The following RANBP17 variants were observed in gnomAD, a reference collection of about 807,000 sequenced individuals.
RANBP17 encodes RAN binding protein 17, also known as ran-binding protein 17.
In RANBP17, 158 loss-of-function variants were observed where a neutral mutation model predicts 141.2. The ratio of observed to expected loss-of-function variants is 1.12; its 90% confidence interval spans 0.98 to 1.28. The LOEUF is 1.28. RANBP17 is among the 50% of genes most tolerant of loss of function. RANBP17 has a pLI of 0.00. For synonymous variants in RANBP17, 430 were observed against 450.0 expected, an observed-to-expected ratio of 0.96 and a Z score of 0.56; for missense variants, 1,438 against 1,290.7, an observed-to-expected ratio of 1.11 and a Z score of -1.75.
chr5:170,898,367 G>A (rs1345315995), intron 5 of RANBP17, among the ~76,000 whole-genome samples: 2 of 151,950 alleles, frequency 1.3e-5, no homozygotes, highest in African/African-American at 4.8e-5. Context: ...TGCCCACTTT[G>A]TGATGGGGTT....
chr5:171,274,111 A>AGTGTGTGTGTGTGTGTGTGT (rs372324815), intron 25 of RANBP17, among the ~76,000 whole-genome samples: 1 of 143,114 alleles, frequency 7.0e-6, no homozygotes, highest in African/African-American at 2.6e-5. Flanking sequence ...AGTTTGATCA[A>AGTGTGTGTGTGTGTGTGTGT]GTGTGTGTGT....
intron 14 of RANBP17, among the ~76,000 whole-genome samples, chr5:171,166,281 T>C (rs987306866): frequency 3.9e-5 from 6 of 152,148 alleles, no homozygotes; most frequent in African/African-American, 1.4e-4. Context: ...TTCAGTGTCA[T>C]TGTATTGGCC....
intron 14 of RANBP17, among the ~76,000 whole-genome samples, chr5:170,987,794 A>G (rs1176023772): frequency 6.6e-6 from 1 of 151,644 alleles, no homozygotes; most frequent in East Asian, 1.9e-4. Context: ...CTAGACGAGG[A>G]TGTTTGGGGC....
chr5:170,979,719 A>T (rs1426979370), intron 14 of RANBP17, among the ~76,000 whole-genome samples: 1 of 152,222 alleles, frequency 6.6e-6, no homozygotes, highest in Non-Finnish European at 1.5e-5. Flanking sequence ...AGGCCTCCCC[A>T]ACCATATGGA....
intron 14 of RANBP17, among the ~76,000 whole-genome samples, chr5:171,058,085 A>G (rs1317726376): frequency 1.3e-5 from 2 of 152,126 alleles, no homozygotes; most frequent in South Asian, 4.1e-4. Context: ...CATAGGGATT[A>G]TGACATTTTC....
chr5:170,949,479 T>C (rs1404053024), intron 12 of RANBP17, among the ~76,000 whole-genome samples: 1 of 152,050 alleles, frequency 6.6e-6, no homozygotes, highest in Non-Finnish European at 1.5e-5. Flanking sequence ...GAAAGGATGC[T>C]CAACATCCTT....
intron 18 of RANBP17, among the ~76,000 whole-genome samples, chr5:171,188,208 CAA>C (rs1270161206): frequency 2.0e-5 from 3 of 152,100 alleles, no homozygotes; most frequent in Non-Finnish European, 4.4e-5. Flanking sequence ...GGGCTGGAGG[CAA>C]AGAGAACTAT....
At chr5:171,221,964 C>T in intron 22 of RANBP17, 124 bp downstream of exon 22, 1 of 660,772 alleles carries the variant, frequency 1.5e-6, no homozygotes, top group African/African-American at 1.8e-5. Context: ...GTCGGTAATA[C>T]AAGTGCAAAA....
chr5:171,285,773 A>T (rs555754149), intron 25 of RANBP17, among the ~76,000 whole-genome samples: 1 of 152,360 alleles, frequency 6.6e-6, no homozygotes, highest in East Asian at 1.9e-4. Flanking sequence ...GTTGCTCCAC[A>T]GTACATCTCT....
At chr5:171,138,126 C>G (rs1757444223) in intron 14 of RANBP17, among the ~76,000 whole-genome samples, 2 of 152,016 alleles carry the variant, frequency 1.3e-5, no homozygotes. Context: ...GACCCAAATT[C>G]TAGGATTAAA....
intron 5 of RANBP17, among the ~76,000 whole-genome samples, chr5:170,901,552 A>T (rs1234036574): frequency 2.6e-5 from 4 of 152,186 alleles, no homozygotes; most frequent in Non-Finnish European, 5.9e-5. Context: ...TGTGAATTTG[A>T]TCCTGTCATT....
At chr5:171,072,595 T>C (rs1297436342) in intron 14 of RANBP17, among the ~76,000 whole-genome samples, 1 of 152,156 alleles carries the variant, frequency 6.6e-6, no homozygotes, top group Non-Finnish European at 1.5e-5. Flanking sequence ...ATGTCATAGT[T>C]GTTAGAATTG....
At chr5:171,018,213 GCTTAAGATTGT>G (rs1248235394) in intron 14 of RANBP17, among the ~76,000 whole-genome samples, 4 of 151,972 alleles carry the variant, frequency 2.6e-5, no homozygotes, top group African/African-American at 9.7e-5. Context: ...TGTTCTTTTT[GCTTAAGATTGT>G]CTTGGCTATA....
At chr5:171,030,415 A>G (rs1406395723) in intron 14 of RANBP17, among the ~76,000 whole-genome samples, 2 of 151,976 alleles carry the variant, frequency 1.3e-5, no homozygotes, top group African/African-American at 2.4e-5. Context: ...CTGTGTTTCT[A>G]TCTCGTTATG....
At chr5:171,102,963 C>T (rs958725587) in intron 14 of RANBP17, among the ~76,000 whole-genome samples, 2 of 152,158 alleles carry the variant, frequency 1.3e-5, no homozygotes, top group African/African-American at 4.8e-5. Context: ...CCTGTTTGTT[C>T]CTCTGGAAGC....
chr5:170,956,850 T>A (rs903410198), intron 13 of RANBP17, among the ~76,000 whole-genome samples: 11 of 151,650 alleles, frequency 7.3e-5, no homozygotes, highest in African/African-American at 2.4e-4. Flanking sequence ...GGTGGGCGGA[T>A]CACGAGGTCA....
intron 14 of RANBP17, among the ~76,000 whole-genome samples, chr5:171,074,014 C>T (rs986008653): frequency 5.9e-5 from 9 of 151,988 alleles, no homozygotes; most frequent in Non-Finnish European, 2.9e-5. Context: ...AATACTATCC[C>T]CTTCTGGAGG....
intron 13 of RANBP17, among the ~76,000 whole-genome samples, chr5:170,967,096 C>A (rs1414581051): frequency 6.6e-6 from 1 of 151,996 alleles, no homozygotes; most frequent in East Asian, 1.9e-4. Context: ...GAATGTTAAG[C>A]AGCTTCAGAA....
At chr5:170,979,516 G>A (rs933997556) in intron 14 of RANBP17, among the ~76,000 whole-genome samples, 1 of 152,130 alleles carries the variant, frequency 6.6e-6, no homozygotes, top group Non-Finnish European at 1.5e-5. Flanking sequence ...CATGTGTTGT[G>A]GGAGGGACCC....
Sources: gnomAD v4.1 joint callset for allele counts (sites outside exome capture counted in the v4.1 genomes callset) on GRCh38, gnomAD v4.1.1 for gene constraint, MANE v1.5 for transcripts, NCBI Gene and HGNC (gene_info 2026-07-23, HGNC 2026-07-21) for gene names.